Variants in SHCBP1L observed in about 807,000 individuals in gnomAD.
The protein encoded by SHCBP1L is SHC binding and spindle associated 1 like.
In SHCBP1L, 67 loss-of-function variants were observed where a neutral mutation model predicts 62.5. The ratio of observed to expected loss-of-function variants is 1.07; its 90% confidence interval spans 0.88 to 1.31. The LOEUF is 1.31. Ranked by LOEUF, SHCBP1L falls within the 40% of genes most tolerant of loss-of-function variation. SHCBP1L has a pLI of 0.00. For synonymous variants in SHCBP1L, 284 were observed against 289.4 expected, an observed-to-expected ratio of 0.98 and a Z score of 0.19; for missense variants, 823 against 809.8, an observed-to-expected ratio of 1.02 and a Z score of -0.20.
intron 5 of SHCBP1L, among the ~76,000 whole-genome samples, chr1:182,938,873 TTA>T (rs1198882175): frequency 1.3e-5 from 2 of 152,182 alleles, no homozygotes; most frequent in East Asian, 3.8e-4. Flanking sequence ...GCTTCACATA[TTA>T]TATATAGAGG....
At chr1:182,935,466 T>TA (rs968064539) in intron 5 of SHCBP1L, among the ~76,000 whole-genome samples, 2 of 152,212 alleles carry the variant, frequency 1.3e-5, no homozygotes, top group Non-Finnish European at 2.9e-5. Flanking sequence ...TGCTGGTATA[T>TA]AAAAAAGCAG....
intron 9 of SHCBP1L, among the ~76,000 whole-genome samples, chr1:182,901,698 A>G (rs1557987426): frequency 6.6e-6 from 1 of 152,222 alleles, no homozygotes; most frequent in African/African-American, 2.4e-5. Flanking sequence ...TTTGTTTAAT[A>G]GGTCTGGCGT....
chr1:182,908,532 G>A (rs916962108), intron 6 of SHCBP1L, among the ~76,000 whole-genome samples: 15 of 152,190 alleles, frequency 9.9e-5, no homozygotes, highest in East Asian at 9.6e-4. Context: ...TGGGCACCTC[G>A]GTTGATTCCC....
chr1:182,931,270 A>C (rs1214370757), intron 5 of SHCBP1L, among the ~76,000 whole-genome samples: 1 of 151,854 alleles, frequency 6.6e-6, no homozygotes, highest in East Asian at 1.9e-4. Context: ...GCTATATACC[A>C]GTTAATTAGC....
At chr1:182,920,499 A>G (rs1353592650) in intron 6 of SHCBP1L, among the ~76,000 whole-genome samples, 1 of 152,228 alleles carries the variant, frequency 6.6e-6, no homozygotes, top group Admixed American at 6.5e-5. Context: ...AACTCTGGGA[A>G]CTTAAAAAGC....
At chr1:182,950,199 A>G (rs1651699913) in intron 2 of SHCBP1L, among the ~76,000 whole-genome samples, 1 of 152,230 alleles carries the variant, frequency 6.6e-6, no homozygotes, top group Non-Finnish European at 1.5e-5. Flanking sequence ...TTGTATCCAA[A>G]AATACAGATT....
At chr1:182,921,379 T>C (rs10911164) in intron 6 of SHCBP1L, among the ~76,000 whole-genome samples, 6,121 of 152,278 alleles carry the variant, frequency 0.04, 304 homozygotes, top group African/African-American at 0.11. Flanking sequence ...AAGACTGTTA[T>C]TTACCACCAC....
Position 182,904,206 on chromosome 1 carries a change from T to C in SHCBP1L, c.1561A>G (p.Thr521Ala). The change falls in exon 8 of 10, where the codon ACA becomes GCA. Residue 521 changes from threonine to alanine, a missense_variant. By Grantham distance (58) the Thr-to-Ala change is moderately conservative. Transcript: ENST00000367547. Reference sequence around the variant, plus strand: ...TGGGCGCCAGTTATTTCACTGTCTGTAATTGTCAAAGCAGCCCCTGTAAGA... The same window carrying C: ...TGGGCGCCAGTTATTTCACTGTCTGCAATTGTCAAAGCAGCCCCTGTAAGA... ...CVLTGAALTITDSEITGAQGA... is the reference protein window; with the variant it reads ...CVLTGAALTIADSEITGAQGA... The C allele has an allele frequency of 6.2e-7, 1 of 1,614,182 alleles. No individual in the cohort carries two copies. The highest frequency in any genetic ancestry group is 8.5e-7 in the Non-Finnish European group (1 of 1,180,038).
intron 5 of SHCBP1L, among the ~76,000 whole-genome samples, chr1:182,931,896 TAG>T (rs1266528582): frequency 6.6e-6 from 1 of 151,496 alleles, no homozygotes; most frequent in African/African-American, 2.4e-5. Context: ...TCACTGCCCT[TAG>T]AATTCTCTAT....
rs764095688 is a variant in SHCBP1L, at chr1:182,939,318, T to C, written c.934A>G (p.Asn312Asp). The C allele has an allele frequency of 7.6e-5, 122 of 1,613,898 alleles. No individual in the cohort carries two copies. Among genetic ancestry groups the C allele is most frequent in the Non-Finnish European group, 9.8e-5 (116 of 1,179,950 alleles). Residue 312 changes from asparagine (N) to aspartate (D), a missense_variant, in exon 5 of 10, where the codon AAC becomes GAC. Physicochemically the swap from Asn to Asp is conservative, Grantham distance 23. Coordinates refer to ENST00000367547, the MANE Select transcript of SHCBP1L (RefSeq NM_030933.4). ...RFKKTLEKYK[N>D]KRVELIEYQS... Reference sequence around the variant, plus strand: ...TACTCAATGAGCTCGACACGTTTGTTTTTATATTTCTCCAAAGTTTTTTTA... The same window carrying C: ...TACTCAATGAGCTCGACACGTTTGTCTTTATATTTCTCCAAAGTTTTTTTA...
chr1:182,901,241 T>A (rs1389263281), intron 9 of SHCBP1L, among the ~76,000 whole-genome samples: 1 of 152,110 alleles, frequency 6.6e-6, no homozygotes, highest in Admixed American at 6.6e-5. Flanking sequence ...GCGGATCACC[T>A]GAGGTCAGTA....
chr1:182,933,751 A>T (rs1345864892), intron 5 of SHCBP1L, among the ~76,000 whole-genome samples: 1 of 152,008 alleles, frequency 6.6e-6, no homozygotes, highest in African/African-American at 2.4e-5. Flanking sequence ...TATTTTGTTG[A>T]GGATTTTGTA....
At chr1:182,934,429 T>C (rs1651103425) in intron 5 of SHCBP1L, among the ~76,000 whole-genome samples, 1 of 152,166 alleles carries the variant, frequency 6.6e-6, no homozygotes, top group African/African-American at 2.4e-5. Flanking sequence ...ATTTGCAACT[T>C]ACTAATGACA....
At chr1:182,942,520 C>T (rs2101954479) in intron 2 of SHCBP1L, 1 of 583,066 alleles carries the variant, frequency 1.7e-6, no homozygotes, top group South Asian at 1.9e-5. Context: ...TACTGAGACC[C>T]ACCAAGAGTA....
chr1:182,942,580 T>G (rs1169091248), intron 2 of SHCBP1L, among the ~76,000 whole-genome samples: 2 of 152,264 alleles, frequency 1.3e-5, no homozygotes, highest in Middle Eastern at 3.2e-3. Flanking sequence ...TATTGTTTAT[T>G]CATCTTATTT....
chr1:182,902,207 G>A (rs1196042168), intron 9 of SHCBP1L, among the ~76,000 whole-genome samples: 4 of 151,380 alleles, frequency 2.6e-5, no homozygotes, highest in African/African-American at 7.3e-5. Flanking sequence ...ATGCCACCAC[G>A]GTTGGCTAAT....
rs1651849542 is a variant in SHCBP1L, at chr1:182,953,060, T to C, written c.74A>G (p.Lys25Arg). ...RTISPDRRGE[K>R]SASAVSGDTA... Reference sequence around the variant, plus strand: ...GTCCCCGGAGACAGCGGAGGCGGACTTCTCGCCTCGCCTGTCCGGGCTGAT... The same window carrying C: ...GTCCCCGGAGACAGCGGAGGCGGACCTCTCGCCTCGCCTGTCCGGGCTGAT... Residue 25 changes from lysine (K) to arginine (R), a missense_variant, in exon 1 of 10, where the codon AAG becomes AGG. Lys to Arg is a conservative substitution (Grantham distance 26). Transcript: ENST00000367547. The C allele has an allele frequency of 6.5e-7, 1 of 1,547,314 alleles. No homozygotes were observed.
At chr1:182,942,303 C>T (rs1005582644) in intron 2 of SHCBP1L, 2 of 934,284 alleles carry the variant, frequency 2.1e-6, no homozygotes, top group Non-Finnish European at 3.6e-6. Context: ...TTCGGCTTCG[C>T]TTCCACTGTT....
chr1:182,920,128 C>T (rs1334577342), intron 6 of SHCBP1L, among the ~76,000 whole-genome samples: 1 of 152,262 alleles, frequency 6.6e-6, no homozygotes, highest in Non-Finnish European at 1.5e-5. Flanking sequence ...CACAGACCTG[C>T]TGCCACTGCC....
Sources: gnomAD v4.1 joint callset for allele counts (sites outside exome capture counted in the v4.1 genomes callset) on GRCh38, gnomAD v4.1.1 for gene constraint, MANE v1.5 for transcripts, NCBI Gene and HGNC (gene_info 2026-07-23, HGNC 2026-07-21) for gene names.